ZNF574: variants seen among roughly 807,000 people sequenced by gnomAD.
The protein encoded by ZNF574 is zinc finger protein 574.
ZNF574 carries 25 observed loss-of-function variants against 56.6 expected under a neutral mutation model. The observed-to-expected ratio is 0.44, with a 90% CI of 0.32 to 0.62. The LOEUF is 0.62. Among genes scored for constraint, ZNF574 ranks in the 20% least tolerant of loss-of-function variants. The pLI, the probability that ZNF574 is intolerant of heterozygous loss-of-function variation, is 0.04. For synonymous variants in ZNF574, 543 were observed against 492.1 expected (o/e 1.10, Z -1.37); for missense variants, 1,065 against 1,218.9 (o/e 0.87, Z 1.88).
intron 1 of ZNF574, chr19:42,070,691 G>C (rs576581138): frequency 6.5e-6 from 1 of 152,874 alleles, no homozygotes; most frequent in Admixed American, 6.5e-5. Flanking sequence ...ACAAGCAAAA[G>C]GACCTCGGAG....
upstream of ZNF574, among the ~76,000 whole-genome samples, chr19:42,072,548 C>T (rs564787554): frequency 1.3e-5 from 2 of 150,952 alleles, no homozygotes; most frequent in South Asian, 2.1e-4. Context: ...GTTTTCTTTT[C>T]TTTTATTTTT....
chr19:42,071,769 C>T (rs886114115), upstream of ZNF574, among the ~76,000 whole-genome samples: 10 of 152,086 alleles, frequency 6.6e-5, no homozygotes, highest in East Asian at 1.9e-4. Flanking sequence ...TTTGGAAGGC[C>T]GGGGCAGGTG....
rs754288604 is a variant in ZNF574, at chr19:42,080,366, G to A, written c.1760G>A (p.Arg587His). The A allele has an allele frequency of 4.2e-5, 67 of 1,614,100 alleles. No homozygotes were observed. The Admixed American group carries it at 5.8e-4, about 14-fold the overall frequency. The change falls in exon 2 of 2, where the codon CGT (arginine) becomes CAT (histidine). Residue 587 changes from arginine to histidine, a missense_variant. Transcript: ENST00000359044. This position sits in a 1 kb window ranked among gnomAD's most constrained non-coding sequence, Gnocchi z 8.5. The part of the protein sequence containing the change: ...FPYRCQECGV[R>H]FHRPYRLLMH... ...TACCGCTGCCAGGAATGTGGGGTGCGTTTTCACCGTCCTTACCGCCTGCTC... is the reference window on the plus strand; with the variant it reads ...TACCGCTGCCAGGAATGTGGGGTGCATTTTCACCGTCCTTACCGCCTGCTC...
At position 42,080,252 on chromosome 19, in the gene ZNF574, G is replaced by A. The variant is rs1599878812; in HGVS notation, c.1646G>A (p.Arg549Gln). 3 of 1,614,076 alleles carry A rather than the reference G, an allele frequency of 1.9e-6. No individual in the cohort carries two copies. The highest frequency in any genetic ancestry group is 2.5e-6 in the Non-Finnish European group (3 of 1,180,022). Residue 549 changes from arginine to glutamine, a missense_variant, in exon 2 of 2, where the codon CGG (arginine) becomes CAG (glutamine). Transcript: ENST00000359044. The surrounding 1 kb of genome is among the most constrained non-coding windows in gnomAD (Gnocchi z 8.5). ...CACCGGCTCACACACACAGGAGAGC[G>A]GCCCTACCGGTGTGGGGACTGTGGC... The part of the protein sequence containing the change: ...ARHRLTHTGE[R>Q]PYRCGDCGKA...
chr19:42,078,851 G>C lies in ZNF574; in HGVS notation c.245G>C (p.Gly82Ala). ...AGCCAGTACCAGTGCCTGGAGTGTG[G>C]TCAACTGCTGATGTCACCCAGCCAG... The part of the protein sequence containing the change: ...QESQYQCLEC[G>A]QLLMSPSQLL... The change falls in exon 2 of 2, where the codon GGT becomes GCT. Residue 82 changes from glycine (G) to alanine (A), a missense_variant. Physicochemically the swap from Gly to Ala is moderately conservative, Grantham distance 60 (BLOSUM62 0). Coordinates refer to ENST00000359044, the MANE Select transcript of ZNF574 (RefSeq NM_022752.6). The C allele has an allele frequency of 6.2e-7, 1 of 1,614,066 alleles. No individual in the cohort carries two copies. The highest frequency in any genetic ancestry group is 1.6e-4 in the Middle Eastern group (1 of 6,062).
In ZNF574 at chr19:42,080,694, G is replaced by A. The variant is rs1255126458; in HGVS notation, c.2088G>A (p.Glu696=). 1.2e-6 allele frequency: 2 copies of A among 1,613,262 alleles called. No homozygotes were observed. Among genetic ancestry groups the A allele is most frequent in the South Asian group, 1.1e-5 (1 of 91,058 alleles). The change falls in exon 2 of 2, where the codon GAG becomes GAA. Residue 696 remains glutamate, a synonymous_variant. Transcript: ENST00000359044. This position sits in a 1 kb window ranked among gnomAD's most constrained non-coding sequence, Gnocchi z 8.5. Reference sequence around the variant, plus strand: ...CCCATGCAGCTGCTGGGCCTGGAGAGGTCCTGGCTAAGGAGCCCCCTGCCC... The same window carrying A: ...CCCATGCAGCTGCTGGGCCTGGAGAAGTCCTGGCTAAGGAGCCCCCTGCCC... ...EAAHAAAGPG[E]VLAKEPPAPR... is the part of the protein sequence containing the mutation.
intron 1 of ZNF574, among the ~76,000 whole-genome samples, chr19:42,077,704 A>G (rs2076465508): frequency 6.6e-6 from 1 of 152,180 alleles, no homozygotes; most frequent in East Asian, 1.9e-4. Context: ...TACCCTGGAG[A>G]CAGGAGCTAG....
chr19:42,080,555 G>A lies in ZNF574; in HGVS notation c.1949G>A (p.Arg650Gln), dbSNP rs146317803. 2.2e-5 allele frequency: 35 copies of A among 1,612,852 alleles called. No homozygotes were observed. The African/African-American group carries it at 3.9e-4, about 18-fold the overall frequency. The change falls in exon 2 of 2, where the codon CGG becomes CAG. Residue 650 changes from arginine (R) to glutamine (Q), a missense_variant. Coordinates refer to ENST00000359044, the MANE Select transcript of ZNF574 (RefSeq NM_022752.6). The surrounding 1 kb of genome is among the most constrained non-coding windows in gnomAD (Gnocchi z 8.5). ...GGGGCTGCCTTCCCCTCCTCACTGC[G>A]GCTCCGGGAGCACCGCTGTGCAGCC... ...SCGAAFPSSL[R>Q]LREHRCAAAA... is the part of the protein sequence containing the mutation.
Position 42,080,841 on chromosome 19 carries a change from G to A in ZNF574, c.2235G>A (p.Lys745=), listed in dbSNP as rs774354042. ...GTCTAGAGTGCAGCGAGTGCAAGAA[G>A]CTGTTCAGCACAGAGACGTCACTGC... ...RRGLECSECK[K]LFSTETSLQV... Residue 745 remains lysine, a synonymous_variant, in exon 2 of 2, where the codon AAG becomes AAA. Coordinates refer to ENST00000359044, the MANE Select transcript of ZNF574 (RefSeq NM_022752.6). The surrounding 1 kb of genome is among the most constrained non-coding windows in gnomAD (Gnocchi z 8.5). The A allele has an allele frequency of 6.2e-7, 1 of 1,614,136 alleles. No homozygotes were observed. Among genetic ancestry groups the A allele is most frequent in the East Asian group, 2.2e-5 (1 of 44,880 alleles).
rs368552521 is a variant in ZNF574 at position 42,080,756 on chromosome 19, C to T, written c.2150C>T (p.Ser717Phe). 9.7e-5 allele frequency: 156 copies of T among 1,613,862 alleles called. No individual in the cohort carries two copies. Among genetic ancestry groups the T allele is most frequent in the Non-Finnish European group, 1.3e-4 (149 of 1,180,044 alleles). ...APRATRAPVA[S>F]PAALGSTATA... ...CGGGCCACTCGTGCACCAGTTGCCT[C>T]TCCAGCAGCCCTTGGAAGCACTGCT... Residue 717 changes from serine (S) to phenylalanine (F), a missense_variant, in exon 2 of 2, where the codon TCT becomes TTT. By Grantham distance (155) the Ser-to-Phe change is radical (BLOSUM62 -2). Transcript: ENST00000359044. The surrounding 1 kb of genome is among the most constrained non-coding windows in gnomAD (Gnocchi z 8.5).
Position 42,079,420 on chromosome 19 carries a change from T to G in ZNF574, c.814T>G (p.Ser272Ala). The change falls in exon 2 of 2, where the codon TCT becomes GCT. Residue 272 changes from serine to alanine, a missense_variant. By Grantham distance (99) the Ser-to-Ala change is moderately conservative. Transcript: ENST00000359044. This position sits in a 1 kb window ranked among gnomAD's most constrained non-coding sequence, Gnocchi z 4.3. ...PVSQPDPLPASDHSYELRNGE... is the reference protein window; with the variant it reads ...PVSQPDPLPAADHSYELRNGE... ...GTCTCAGCCTGACCCCTTGCCAGCT[T>G]CTGACCACAGTTACGAGCTGCGCAA... The G allele has an allele frequency of 1.9e-6, 3 of 1,613,686 alleles. No homozygotes were observed. The highest frequency in any genetic ancestry group is 2.5e-6 in the Non-Finnish European group (3 of 1,180,016).
chr19:42,070,086 C>A (rs569855472), intron 1 of ZNF574, among the ~76,000 whole-genome samples: 138 of 152,208 alleles, frequency 9.1e-4, no homozygotes, highest in African/African-American at 3.2e-3. Flanking sequence ...CTCCAGTCCC[C>A]GGCTCCAGTC....
At position 42,080,799 on chromosome 19, in the gene ZNF574, C is replaced by T. The variant is rs2076494235; in HGVS notation, c.2193C>T (p.Ala731=). 1.2e-6 allele frequency: 2 copies of T among 1,614,020 alleles called. No homozygotes were observed. The highest frequency in any genetic ancestry group is 1.3e-5 in the African/African-American group (1 of 75,046). ...GCACTGCTACAGCATCCCCTGCGGC[C>T]CCTGCCCGCCGCCGGGGTCTAGAGT... ...LGSTATASPA[A]PARRRGLECS... Residue 731 remains alanine (A), a synonymous_variant, in exon 2 of 2, where the codon GCC becomes GCT. Transcript: ENST00000359044. The surrounding 1 kb of genome is among the most constrained non-coding windows in gnomAD (Gnocchi z 8.5).
In ZNF574 at chr19:42,080,695, G is replaced by T. The variant is rs1345444718; in HGVS notation, c.2089G>T (p.Val697Phe). 6.2e-7 allele frequency: 1 copy of T among 1,613,222 alleles called. No individual in the cohort carries two copies. Among genetic ancestry groups the T allele is most frequent in the South Asian group, 1.1e-5 (1 of 91,062 alleles). ...AAHAAAGPGEVLAKEPPAPRA... is the reference protein window; with the variant it reads ...AAHAAAGPGEFLAKEPPAPRA... ...CCATGCAGCTGCTGGGCCTGGAGAG[G>T]TCCTGGCTAAGGAGCCCCCTGCCCC... The change falls in exon 2 of 2, where the codon GTC becomes TTC. Residue 697 changes from valine to phenylalanine, a missense_variant. Transcript: ENST00000359044. This position sits in a 1 kb window ranked among gnomAD's most constrained non-coding sequence, Gnocchi z 8.5.
upstream of ZNF574, among the ~76,000 whole-genome samples, chr19:42,075,775 TGTCCCC>T (rs1041984622): frequency 1.3e-5 from 2 of 152,154 alleles, no homozygotes; most frequent in African/African-American, 4.8e-5. Flanking sequence ...TCCCTCTCCC[TGTCCCC>T]AACGCTGACT....
upstream of ZNF574, among the ~76,000 whole-genome samples, chr19:42,075,565 T>C (rs1457417758): frequency 6.6e-6 from 1 of 152,196 alleles, no homozygotes; most frequent in Non-Finnish European, 1.5e-5. Flanking sequence ...CTCCTTTTAA[T>C]AAAGTGAGTC....
chr19:42,075,777 T>A (rs1424828248), upstream of ZNF574, among the ~76,000 whole-genome samples: 3 of 127,278 alleles, frequency 2.4e-5, no homozygotes, highest in Admixed American at 8.5e-5. Context: ...CCTCTCCCTG[T>A]CCCCAACGCT....
At chr19:42,075,519 G>A (rs918885079), upstream of ZNF574, among the ~76,000 whole-genome samples, 1 of 152,042 alleles carries the variant, frequency 6.6e-6, no homozygotes, top group African/African-American at 2.4e-5. Flanking sequence ...AGTCCCCTCG[G>A]TCTTTTCTCT....
At position 42,080,600 on chromosome 19, in the gene ZNF574, G is replaced by C. The variant is rs1042782293; in HGVS notation, c.1994G>C (p.Arg665Pro). 1 of 1,612,704 alleles carries C rather than the reference G, an allele frequency of 6.2e-7. No individual in the cohort carries two copies. Among genetic ancestry groups the C allele is most frequent in the Non-Finnish European group, 8.5e-7 (1 of 1,179,852 alleles). Residue 665 changes from arginine to proline, a missense_variant, in exon 2 of 2, where the codon CGG (arginine) becomes CCG (proline). Transcript: ENST00000359044. The surrounding 1 kb of genome is among the most constrained non-coding windows in gnomAD (Gnocchi z 8.5). Reference protein sequence around the residue: ...RCAAAAAQAPRRFECGTCGKK... With the variant: ...RCAAAAAQAPPRFECGTCGKK... ...GCAGCCGCTGCTGCCCAGGCCCCAC[G>C]GCGCTTTGAGTGTGGCACCTGTGGC...
Sources: allele counts gnomAD v4.1 joint callset (sites outside exome capture counted in the v4.1 genomes callset), GRCh38; gene constraint gnomAD v4.1.1; non-coding constraint Gnocchi (gnomAD v3.1); transcripts MANE v1.5; gene names NCBI Gene and HGNC (gene_info 2026-07-23, HGNC 2026-07-21).